Variants in RANBP9 observed in about 807,000 individuals in gnomAD.
RANBP9 encodes the protein RAN binding protein 9.
Under a neutral mutation model 84.3 loss-of-function variants are expected in RANBP9, and 15 were observed. The observed-to-expected ratio is 0.18, with a 90% CI of 0.12 to 0.27. The LOEUF (loss-of-function observed/expected upper bound fraction) is 0.27. Among genes scored for constraint, RANBP9 ranks in the 10% least tolerant of loss-of-function variants. RANBP9 has a pLI of 1.00. For synonymous variants in RANBP9, 392 were observed against 349.6 expected, an observed-to-expected ratio of 1.12 and a Z score of -1.35; for missense variants, 809 against 912.8, an observed-to-expected ratio of 0.89 and a Z score of 1.46.
chr6:13,665,230 G>C lies in RANBP9; in HGVS notation c.684-6398C>G, dbSNP rs76643312. Among the ~76,000 whole-genome samples, 1,475 of 152,082 alleles carry C rather than the reference G, an allele frequency of 9.7e-3. 21 individuals carry two copies. Among genetic ancestry groups the C allele is most frequent in the African/African-American group, 0.032 (1,334 of 41,476 alleles). On this transcript the variant is annotated intron_variant, in intron 2 of 13. Transcript: ENST00000011619. Reference sequence around the variant, plus strand: ...CAAAGATTTATTAGGACACAAAAAGGAAGACCCATAAAAGAGTAAACTCAT... The same window carrying C: ...CAAAGATTTATTAGGACACAAAAAGCAAGACCCATAAAAGAGTAAACTCAT...
Position 13,711,684 on chromosome 6 carries a change from G to A in RANBP9, c.-179C>T, listed in dbSNP as rs1260360184. The A allele has an allele frequency of 1.7e-5, 7 of 403,708 alleles. No individual in the cohort carries two copies. Among genetic ancestry groups the A allele is most frequent in the Non-Finnish European group, 2.7e-5 (7 of 256,884 alleles). 25.0% of individuals were successfully genotyped at this position (403,708 alleles called of 1,614,324 possible). The stretch of plus-strand genomic sequence containing the variant: ...GGTTGAGGAGCTCGGAGACGCGGGA[G>A]TAGGCGGCGGGCCCGGGAGGCCGGG... On this transcript the variant is annotated 5_prime_UTR_variant, in exon 1 of 14. Coordinates refer to ENST00000011619, the MANE Select transcript of RANBP9 (RefSeq NM_005493.3).
chr6:13,672,728 A>T (rs1765802566), intron 2 of RANBP9, among the ~76,000 whole-genome samples: 1 of 152,188 alleles, frequency 6.6e-6, no homozygotes, highest in South Asian at 2.1e-4. Context: ...TTGAATGATC[A>T]AACTGGACAT....
intron 1 of RANBP9, among the ~76,000 whole-genome samples, chr6:13,706,393 C>A (rs769192102): frequency 6.6e-6 from 1 of 151,518 alleles, no homozygotes; most frequent in Non-Finnish European, 1.5e-5. Context: ...CATAACATTT[C>A]AATTAAAAAG....
intron 5 of RANBP9, among the ~76,000 whole-genome samples, chr6:13,651,150 A>G (rs932863600): frequency 6.6e-6 from 1 of 152,168 alleles, no homozygotes; most frequent in Non-Finnish European, 1.5e-5. Context: ...GTATAAAATA[A>G]AAATGCTAAG....
chr6:13,633,917 G>A (rs1395922908), intron 11 of RANBP9, among the ~76,000 whole-genome samples: 2 of 142,950 alleles, frequency 1.4e-5, no homozygotes, highest in Non-Finnish European at 1.5e-5. Flanking sequence ...AATGTGTCTT[G>A]GAGCCACATA....
intron 2 of RANBP9, among the ~76,000 whole-genome samples, chr6:13,692,202 G>A (rs1384076723): frequency 2.0e-5 from 3 of 151,794 alleles, no homozygotes; most frequent in South Asian, 2.1e-4. Flanking sequence ...AACTTTGTTC[G>A]ACACGTTTAC....
Position 13,711,507 on chromosome 6 carries a change from C to T in RANBP9, c.-2G>A, listed in dbSNP as rs758704637. 7 of 1,248,722 alleles carry T rather than the reference C, an allele frequency of 5.6e-6. No individual in the cohort carries two copies. In the Admixed American group the frequency reaches 2.3e-4, roughly 41 times the overall value. 77.4% of individuals were successfully genotyped at this position (1,248,722 alleles called of 1,614,324 possible). On this transcript the variant is annotated 5_prime_UTR_variant, in exon 1 of 14. Coordinates refer to ENST00000011619, the MANE Select transcript of RANBP9 (RefSeq NM_005493.3). ...CGGCGGCGGCGGCTGCCCGGACATC[C>T]CGGCCGCGACTCAGCCTGCGGCCAC...
rs758538442 is a variant in RANBP9 at position 13,634,568 on chromosome 6, C to G, written c.1674-16G>C. The stretch of plus-strand genomic sequence containing the variant: ...TACATCATTACTGAAAACGAAAAAA[C>G]AAACCTAATTTTAGAAATATCATAC... On this transcript the variant is annotated splice_polypyrimidine_tract_variant and intron_variant, in intron 10 of 13. Coordinates refer to ENST00000011619, the MANE Select transcript of RANBP9 (RefSeq NM_005493.3). 2 of 1,586,588 alleles carry G rather than the reference C, an allele frequency of 1.3e-6. No homozygotes were observed. The highest frequency in any genetic ancestry group is 1.7e-6 in the Non-Finnish European group (2 of 1,161,102).
intron 1 of RANBP9, among the ~76,000 whole-genome samples, chr6:13,699,552 C>A (rs960032800): frequency 6.6e-6 from 1 of 152,218 alleles, no homozygotes; most frequent in South Asian, 2.1e-4. Context: ...AATCCAAAAT[C>A]TAAAATGTTT....
chr6:13,646,571 TAAAG>T (rs1765179639), intron 5 of RANBP9, among the ~76,000 whole-genome samples: 4 of 152,194 alleles, frequency 2.6e-5, no homozygotes, highest in Non-Finnish European at 4.4e-5. Flanking sequence ...ATTGTCTAAA[TAAAG>T]ACATTTTTAA....
At chr6:13,637,683 G>A (rs1764972866) in intron 10 of RANBP9, 125 bp downstream of exon 10, 1 of 941,678 alleles carries the variant, frequency 1.1e-6, no homozygotes, top group Middle Eastern at 3.6e-4. Flanking sequence ...TTATTCTCTG[G>A]GGGCTTAAGA....
chr6:13,667,892 A>C (rs1765687929), intron 2 of RANBP9, among the ~76,000 whole-genome samples: 1 of 152,160 alleles, frequency 6.6e-6, no homozygotes, highest in South Asian at 2.1e-4. Flanking sequence ...CTGTTGTCAA[A>C]AATTAAAATT....
chr6:13,707,443 C>CT (rs1010593192), intron 1 of RANBP9, among the ~76,000 whole-genome samples: 3 of 152,080 alleles, frequency 2.0e-5, no homozygotes, highest in African/African-American at 7.2e-5. Context: ...TTCCAGTTAC[C>CT]TTTTTCCCCC....
chr6:13,625,777 C>T lies in RANBP9; in HGVS notation c.1948-13G>A, dbSNP rs1350417924. On this transcript the variant is annotated splice_polypyrimidine_tract_variant and intron_variant, in intron 12 of 13. Coordinates refer to ENST00000011619, the MANE Select transcript of RANBP9 (RefSeq NM_005493.3). ...GACTGAATGCATCCTGTTGAAAACA[C>T]ATCGATTTGGTTTTAATTCAAATAG... is the stretch of plus-strand genomic sequence containing the variant. 4 of 1,544,494 alleles carry T rather than the reference C, an allele frequency of 2.6e-6. No individual in the cohort carries two copies. The highest frequency in any genetic ancestry group is 2.2e-5 in the East Asian group (1 of 44,492).
intron 12 of RANBP9, among the ~76,000 whole-genome samples, chr6:13,627,113 A>G (rs868174803): frequency 6.6e-6 from 1 of 152,128 alleles, no homozygotes; most frequent in African/African-American, 2.4e-5. Context: ...ATTATTTACT[A>G]TACTATTTTG....
intron 5 of RANBP9, among the ~76,000 whole-genome samples, chr6:13,645,733 A>G (rs1388545227): frequency 6.6e-6 from 1 of 152,192 alleles, no homozygotes; most frequent in Non-Finnish European, 1.5e-5. Flanking sequence ...TCCAAATCCT[A>G]CCATATTTTC....
intron 12 of RANBP9, among the ~76,000 whole-genome samples, chr6:13,626,361 T>G (rs1368506325): frequency 6.6e-6 from 1 of 152,220 alleles, no homozygotes; most frequent in African/African-American, 2.4e-5. Context: ...TTTGTCTTCT[T>G]TCTATGGGAG....
At chr6:13,676,089 A>G (rs1374013497) in intron 2 of RANBP9, among the ~76,000 whole-genome samples, 1 of 152,140 alleles carries the variant, frequency 6.6e-6, no homozygotes, top group Non-Finnish European at 1.5e-5. Context: ...GAAAGAGCCT[A>G]GAAGCAATGA....
intron 1 of RANBP9, among the ~76,000 whole-genome samples, chr6:13,702,029 A>T (rs901793263): frequency 1.3e-5 from 2 of 152,088 alleles, no homozygotes; most frequent in African/African-American, 4.8e-5. Flanking sequence ...CTTCCCCTCA[A>T]TCTGTAAAGG....
Sources: allele counts gnomAD v4.1 joint callset (sites outside exome capture counted in the v4.1 genomes callset), GRCh38; gene constraint gnomAD v4.1.1; transcripts MANE v1.5; gene names NCBI Gene and HGNC (gene_info 2026-07-23, HGNC 2026-07-21).